The following ICE1 variants were observed in gnomAD, a reference collection of about 807,000 sequenced individuals.
ICE1 encodes interactor of little elongation complex ELL subunit 1.
A neutral mutation model predicts 192.7 loss-of-function variants in ICE1; 64 were observed. The ratio of observed to expected loss-of-function variants is 0.33; its 90% CI spans 0.27 to 0.41. ICE1 has a LOEUF of 0.41. Among genes scored for constraint, ICE1 ranks in the 10% least tolerant of loss-of-function variants. The pLI is 1.00. For synonymous variants in ICE1, 1,010 were observed against 984.5 expected (o/e 1.03, Z -0.49); for missense variants, 2,708 against 2,696.0 (o/e 1.00, Z -0.10).
intron 14 of ICE1, 140 bp from the exon 15 acceptor site, chr5:5,468,688 T>C (rs1037626661): frequency 3.0e-5 from 15 of 498,370 alleles, no homozygotes; most frequent in Non-Finnish European, 5.1e-5. Flanking sequence ...TGGAGCCTCA[T>C]CTGGGCTCCC....
intron 16 of ICE1, among the ~76,000 whole-genome samples, chr5:5,474,072 T>C (rs1739243655): frequency 6.6e-6 from 1 of 151,504 alleles, no homozygotes; most frequent in Non-Finnish European, 1.5e-5. Context: ...TAGCTGGGCG[T>C]GGTGGTGGGC....
chr5:5,470,170 T>C (rs1325184674), intron 15 of ICE1, among the ~76,000 whole-genome samples: 1 of 152,118 alleles, frequency 6.6e-6, no homozygotes, highest in Non-Finnish European at 1.5e-5. Context: ...GAGAGTTACT[T>C]GCCTCCAGAG....
rs374880306 is a variant in ICE1 at position 5,454,565 on chromosome 5, G to A, written c.618G>A (p.Leu206=). The change falls in exon 11 of 19, where the codon CTG becomes CTA. Residue 206 remains leucine, a synonymous_variant. Transcript: ENST00000296564. ...TCTGTTTCACAGGAAAAGTGAAACT[G>A]CTTCTGAAGGAACTCTGGCTCTGTG... ...YGSIDKRKVK[L]LLKELWLCVN... The A allele has an allele frequency of 1.2e-6, 2 of 1,613,274 alleles. No individual in the cohort carries two copies. Among genetic ancestry groups the A allele is most frequent in the Non-Finnish European group, 1.7e-6 (2 of 1,179,482 alleles).
chr5:5,468,955 G>C lies in ICE1; in HGVS notation c.6189G>C (p.Leu2063=). The C allele has an allele frequency of 6.4e-7, 1 of 1,567,302 alleles. No individual in the cohort carries two copies. Among genetic ancestry groups the C allele is most frequent in the Non-Finnish European group, 8.6e-7 (1 of 1,159,898 alleles). The change falls in exon 15 of 19, where the codon CTG becomes CTC. Residue 2063 remains leucine, a synonymous_variant. Transcript: ENST00000296564. ...GGCAACGTGCTAAAGGAGAGGTTCT[G>C]AACTGCTTGAGAGCTTTTCTTAATT... ...VARQRAKGEV[L]NCLRAFLNWE...
At chr5:5,439,870 CAG>C (rs772714871) in intron 3 of ICE1, 23 bp from the exon 4 acceptor site, 24 of 1,509,556 alleles carry the variant, frequency 1.6e-5, no homozygotes, top group East Asian at 9.9e-5. Context: ...ATAAAATTCT[CAG>C]AGTTTTCTTT....
intron 17 of ICE1, 140 bp from the exon 18 acceptor site, chr5:5,486,581 A>G (rs967002317): frequency 5.1e-6 from 3 of 593,902 alleles, no homozygotes; most frequent in South Asian, 4.4e-5. Flanking sequence ...CACATTGTAT[A>G]TCATCTGGTA....
chr5:5,469,051 TTTG>T lies in ICE1; in HGVS notation c.6222+68_6222+70del, dbSNP rs1481656609. 9.4e-6 allele frequency: 11 copies of T among 1,170,036 alleles called. No individual in the cohort carries two copies. In the African/African-American group the frequency reaches 1.4e-4, roughly 15 times the overall value. The allele number at this position is 1,170,036 out of a possible 1,614,324, so 72.5% of individuals were successfully genotyped here. A position where few individuals can be genotyped will look rare whatever the true frequency, so the allele number is the denominator to read the frequency against. ...TAGATATTATATAAATGTTAATTAT[TTTG>T]TTGTGTATTTAGTTTTATATTAGTT... On this transcript the variant is annotated intron_variant, in intron 15 of 18. Transcript: ENST00000296564.
chr5:5,478,304 T>C (rs183717275), intron 17 of ICE1, among the ~76,000 whole-genome samples: 157 of 152,354 alleles, frequency 1.0e-3, no homozygotes, highest in African/African-American at 3.6e-3. Flanking sequence ...CAAGCATTCC[T>C]ATATATCAGT....
In ICE1 at chr5:5,473,732, C is replaced by G; in HGVS notation, c.6397C>G (p.His2133Asp). The G allele has an allele frequency of 6.3e-7, 1 of 1,595,290 alleles. No homozygotes were observed. Among genetic ancestry groups the G allele is most frequent in the Non-Finnish European group, 8.5e-7 (1 of 1,173,920 alleles). Residue 2133 changes from histidine (H) to aspartate (D), a missense_variant, in exon 16 of 19, where the codon CAT becomes GAT. His to Asp is a moderately conservative substitution (Grantham distance 81, BLOSUM62 -1). Transcript: ENST00000296564. The part of the protein sequence containing the change: ...LCCHQKWIWT[H>D]DNIISKELWP... ...CTGCCATCAGAAATGGATCTGGACG[C>G]ATGATAACATCATAAGGTTAGTTAT...
intron 5 of ICE1, 136 bp from the exon 6 acceptor site, chr5:5,443,032 T>C (rs575856958): frequency 1.8e-6 from 1 of 551,012 alleles, no homozygotes; most frequent in Non-Finnish European, 3.1e-6. Context: ...GTTACCTCTA[T>C]TAAAATATTC....
chr5:5,427,269 T>TGCCCAAAGTTCTGGGTTGCAGAAC (rs1737553348), intron 1 of ICE1, among the ~76,000 whole-genome samples: 1 of 152,226 alleles, frequency 6.6e-6, no homozygotes, highest in Admixed American at 6.5e-5. Context: ...CATAGCCCAA[T>TGCCCAAAGTTCTGGGTTGCAGAAC]GCCCAAAGTT....
In ICE1 at chr5:5,461,439, G is replaced by C. The variant is rs193269794; in HGVS notation, c.2105G>C (p.Ser702Thr). 6 of 1,614,020 alleles carry C rather than the reference G, an allele frequency of 3.7e-6. No individual in the cohort carries two copies. Among genetic ancestry groups the C allele is most frequent in the East Asian group, 4.5e-5 (2 of 44,882 alleles). The change falls in exon 13 of 19, where the codon AGC (serine) becomes ACC (threonine). Residue 702 changes from serine (S) to threonine (T), a missense_variant. Physicochemically the swap from Ser to Thr is moderately conservative, Grantham distance 58. This residue lies in a region of ICE1 where 2,366 missense variants were observed against 2,276.6 expected (regional missense o/e 1.04). Coordinates refer to ENST00000296564, the MANE Select transcript of ICE1 (RefSeq NM_015325.3). ...CSIGGNNLEN[S>T]LCALSPELGA... ...ATAGGAGGAAACAACTTGGAGAATA[G>C]CTTGTGTGCCTTGAGCCCTGAATTG...
intron 7 of ICE1, among the ~76,000 whole-genome samples, chr5:5,444,592 AAAGCAGT>A (rs1353020593): frequency 1.3e-5 from 2 of 152,240 alleles, no homozygotes; most frequent in East Asian, 3.8e-4. Context: ...TTTGCTATAA[AAAGCAGT>A]AATTAATGAA....
chr5:5,480,100 C>A (rs1234925315), intron 17 of ICE1, among the ~76,000 whole-genome samples: 1 of 152,108 alleles, frequency 6.6e-6, no homozygotes, highest in Admixed American at 6.6e-5. Context: ...AAAGAAAGCT[C>A]TCTTAGTTTT....
At chr5:5,444,818 A>G (rs557551240) in intron 7 of ICE1, among the ~76,000 whole-genome samples, 1 of 152,308 alleles carries the variant, frequency 6.6e-6, no homozygotes, top group East Asian at 1.9e-4. Flanking sequence ...CCCTCTTGTT[A>G]GGGGTTCTAG....
chr5:5,463,419 A>G lies in ICE1; in HGVS notation c.4085A>G (p.Asp1362Gly). The G allele has an allele frequency of 6.2e-7, 1 of 1,613,038 alleles. No individual in the cohort carries two copies. Among genetic ancestry groups the G allele is most frequent in the Non-Finnish European group, 8.5e-7 (1 of 1,179,538 alleles). Reference protein sequence around the residue: ...AGRQTDGGEEDLPEPVEPSAL... With the variant: ...AGRQTDGGEEGLPEPVEPSAL... Reference sequence around the variant, plus strand: ...AGGCAAACCGATGGTGGGGAAGAAGACCTGCCAGAACCTGTGGAGCCATCA... The same window carrying G: ...AGGCAAACCGATGGTGGGGAAGAAGGCCTGCCAGAACCTGTGGAGCCATCA... The change falls in exon 13 of 19, where the codon GAC (aspartate) becomes GGC (glycine). Residue 1362 changes from aspartate (D) to glycine (G), a missense_variant. Transcript: ENST00000296564.
At chr5:5,429,510 C>T (rs550793206) in intron 1 of ICE1, among the ~76,000 whole-genome samples, 2 of 152,164 alleles carry the variant, frequency 1.3e-5, no homozygotes, top group Admixed American at 6.5e-5. Flanking sequence ...CCGAACATCC[C>T]GTCTTCCTTC....
intron 15 of ICE1, among the ~76,000 whole-genome samples, chr5:5,471,615 CAAG>C (rs1394527209): frequency 6.6e-6 from 1 of 151,796 alleles, no homozygotes; most frequent in Non-Finnish European, 1.5e-5. Flanking sequence ...CCTGATAAAA[CAAG>C]GAGAATTCAG....
chr5:5,468,841 T>G lies in ICE1; in HGVS notation c.6075T>G (p.Ser2025=), dbSNP rs1369258398. Residue 2025 remains serine, a synonymous_variant, in exon 15 of 19, where the codon TCT becomes TCG. Transcript: ENST00000296564. Reference sequence around the variant, plus strand: ...TATTTCTGATAGATTTTCCGGAGTCTGAAAAATTAACTTTGTTTATTGCAA... The same window carrying G: ...TATTTCTGATAGATTTTCCGGAGTCGGAAAAATTAACTTTGTTTATTGCAA... ...YSLLKEDFPE[S]EKLTLFIANM... The G allele has an allele frequency of 6.3e-7, 1 of 1,578,534 alleles. No homozygotes were observed. Among genetic ancestry groups the G allele is most frequent in the Non-Finnish European group, 8.6e-7 (1 of 1,163,640 alleles).
Sources: gnomAD v4.1 joint callset for allele counts (sites outside exome capture counted in the v4.1 genomes callset) on GRCh38, gnomAD v4.1.1 for gene constraint, gnomAD v4.1.1 regional missense constraint, MANE v1.5 for transcripts, NCBI Gene and HGNC (gene_info 2026-07-23, HGNC 2026-07-21) for gene names.